CRACD: variants seen among roughly 807,000 people sequenced by gnomAD.
CRACD encodes the protein capping protein-inhibiting regulator of actin dynamics.
In CRACD, 56 loss-of-function variants were observed where a neutral mutation model predicts 106.8. The ratio of observed to expected loss-of-function variants is 0.52; its 90% CI spans 0.42 to 0.66. The LOEUF is 0.66. Among genes scored for constraint, CRACD ranks in the 30% least tolerant of loss-of-function variants. CRACD has a pLI of 0.00. For missense variants in CRACD, 1,730 were observed against 1,623.2 expected (o/e 1.07, Z -1.13); for synonymous variants, 754 against 670.8 (o/e 1.12, Z -1.92).
chr4:56,199,996 T>A (rs1293752081), intron 2 of CRACD, among the ~76,000 whole-genome samples: 4 of 152,010 alleles, frequency 2.6e-5, no homozygotes, highest in Non-Finnish European at 5.9e-5. Context: ...TTTATTTTTT[T>A]TTCAAAAAGT....
chr4:56,195,285 G>A (rs1409028485), intron 2 of CRACD, among the ~76,000 whole-genome samples: 5 of 152,042 alleles, frequency 3.3e-5, no homozygotes, highest in Admixed American at 6.6e-5. Flanking sequence ...ATAAATATGC[G>A]GGGAAAAGAT....
chr4:56,224,039 G>T (rs1739176481), intron 2 of CRACD, among the ~76,000 whole-genome samples: 1 of 152,124 alleles, frequency 6.6e-6, no homozygotes, highest in African/African-American at 2.4e-5. Flanking sequence ...TTACAGGTGT[G>T]CACCACCAGG....
At chr4:56,157,718 G>A (rs1159111249) in intron 1 of CRACD, among the ~76,000 whole-genome samples, 5 of 152,134 alleles carry the variant, frequency 3.3e-5, no homozygotes, top group Non-Finnish European at 7.3e-5. Context: ...TTTCAGGGGA[G>A]TCCCATTTCA....
At chr4:56,268,441 C>T (rs897466126) in intron 2 of CRACD, among the ~76,000 whole-genome samples, 2 of 121,690 alleles carry the variant, frequency 1.6e-5, no homozygotes, top group Non-Finnish European at 3.4e-5. Context: ...AGTCAAGGAG[C>T]AGTGTTGGGT....
chr4:56,308,688 T>C (rs1744922629), intron 5 of CRACD: 2 of 929,512 alleles, frequency 2.2e-6, no homozygotes, highest in Non-Finnish European at 2.6e-6. Context: ...CTGTTGCCCA[T>C]TGTGACACCT....
intron 2 of CRACD, among the ~76,000 whole-genome samples, chr4:56,259,219 ACTTC>A (rs1258621509): frequency 6.6e-6 from 1 of 152,124 alleles, no homozygotes; most frequent in Non-Finnish European, 1.5e-5. Context: ...TGCATGACTC[ACTTC>A]ATCTACCGGA....
Position 56,316,180 on chromosome 4 carries a change from A to G in CRACD, c.2678A>G (p.Lys893Arg). Residue 893 changes from lysine to arginine, a missense_variant, in exon 8 of 11, where the codon AAA (lysine) becomes AGA (arginine). This residue lies in a region of CRACD where 1,620 missense variants were observed against 1,481.6 expected (regional missense o/e 1.09). Coordinates refer to ENST00000682029, the MANE Select transcript of CRACD (RefSeq NM_001393381.1). ...PPAAGSARGE[K>R]EMEGVALKHG... is the part of the protein sequence containing the mutation. ...GCAGCGGGGAGCGCTCGTGGAGAGAAAGAGATGGAGGGTGTGGCCCTCAAG... is the reference window on the plus strand; with the variant it reads ...GCAGCGGGGAGCGCTCGTGGAGAGAGAGAGATGGAGGGTGTGGCCCTCAAG... The G allele has an allele frequency of 6.2e-7, 1 of 1,614,120 alleles. No individual in the cohort carries two copies. The highest frequency in any genetic ancestry group is 1.7e-5 in the Admixed American group (1 of 60,030).
At chr4:56,296,112 T>C (rs760347320) in intron 3 of CRACD, among the ~76,000 whole-genome samples, 1 of 152,184 alleles carries the variant, frequency 6.6e-6, no homozygotes, top group Non-Finnish European at 1.5e-5. Flanking sequence ...TCCCATACCC[T>C]GTGTCACTCA....
rs1207362099 is a variant in CRACD, at chr4:56,315,253, C to A, written c.1751C>A (p.Ala584Asp). Residue 584 changes from alanine to aspartate, a missense_variant, in exon 8 of 11, where the codon GCC becomes GAC. Ala to Asp is a moderately radical substitution (Grantham distance 126). Coordinates refer to ENST00000682029, the MANE Select transcript of CRACD (RefSeq NM_001393381.1). This position sits in a 1 kb window ranked among gnomAD's most constrained non-coding sequence, Gnocchi z 4.1. ...CCCAAAGCCAGCCCAGTCCAGCACG[C>A]CCTACCGTCGTCCCTGAGCGTTCCC... is the stretch of plus-strand genomic sequence containing the variant. ...KAPKASPVQH[A>D]LPSSLSVPHT... The A allele has an allele frequency of 2.5e-6, 4 of 1,606,362 alleles. No homozygotes were observed. In the African/African-American group the frequency reaches 5.3e-5, roughly 21 times the overall value.
In CRACD at chr4:56,330,403, G is replaced by C. The variant is rs1746736660; in HGVS notation, c.*2599G>C. ...TATATAGTATGTATTGTCTCTTCTT[G>C]TGACGTTTAGTTTAATTGCTTATTT... is the stretch of plus-strand genomic sequence containing the variant. On this transcript the variant is annotated 3_prime_UTR_variant, in exon 11 of 11. Coordinates refer to ENST00000682029, the MANE Select transcript of CRACD (RefSeq NM_001393381.1). Among the ~76,000 whole-genome samples, 1 of 151,924 alleles carries C rather than the reference G, an allele frequency of 6.6e-6. No homozygotes were observed. Among genetic ancestry groups the C allele is most frequent in the African/African-American group, 2.4e-5 (1 of 41,366 alleles).
intron 2 of CRACD, among the ~76,000 whole-genome samples, chr4:56,231,691 C>T (rs899962139): frequency 1.1e-4 from 16 of 152,176 alleles, no homozygotes; most frequent in African/African-American, 2.2e-4. Flanking sequence ...GTGCATGCTA[C>T]GTGCTTCCAT....
Position 56,189,653 on chromosome 4 carries a change from G to GT in CRACD, c.-189+10229dup, listed in dbSNP as rs1423555305. The stretch of plus-strand genomic sequence containing the variant: ...TATGAGTGAGAACATGCGGTGTTTG[G>GT]TTTTTTGTCCTTGCAATAGTTTACT... On this transcript the variant is annotated intron_variant, in intron 2 of 10. Coordinates refer to ENST00000682029, the MANE Select transcript of CRACD (RefSeq NM_001393381.1). Among the ~76,000 whole-genome samples, 14 of 147,094 alleles carry GT rather than the reference G, an allele frequency of 9.5e-5. No individual in the cohort carries two copies. In the East Asian group the frequency reaches 2.8e-3, roughly 30 times the overall value.
intron 1 of CRACD, among the ~76,000 whole-genome samples, chr4:56,154,925 T>G (rs1735717550): frequency 6.6e-6 from 1 of 152,222 alleles, no homozygotes; most frequent in African/African-American, 2.4e-5. Flanking sequence ...AGTTCACATC[T>G]GTCATAAGAA....
chr4:56,150,863 T>C (rs1180726386), intron 1 of CRACD, among the ~76,000 whole-genome samples: 1 of 152,178 alleles, frequency 6.6e-6, no homozygotes, highest in Non-Finnish European at 1.5e-5. Flanking sequence ...TTCAAGAGAT[T>C]CTCCAGGAGT....
intron 10 of CRACD, among the ~76,000 whole-genome samples, chr4:56,326,273 GGCA>G (rs1746444079): frequency 7.4e-6 from 1 of 134,656 alleles, no homozygotes; most frequent in South Asian, 2.4e-4. Context: ...ACCGCAGGCA[GGCA>G]TTATGTCATT....
chr4:56,108,556 C>T (rs1330085950), intron 1 of CRACD, among the ~76,000 whole-genome samples: 1 of 152,078 alleles, frequency 6.6e-6, no homozygotes, highest in Non-Finnish European at 1.5e-5. Flanking sequence ...AAAGAGAAAA[C>T]AACTGGGCCC....
chr4:56,050,358 AAT>A (rs1269730067), intron 1 of CRACD, among the ~76,000 whole-genome samples: 1 of 151,124 alleles, frequency 6.6e-6, no homozygotes, highest in East Asian at 1.9e-4. Flanking sequence ...GAGTGGTTAG[AAT>A]ACAAAGGATA....
chr4:56,158,944 C>G (rs1735851429), intron 1 of CRACD, among the ~76,000 whole-genome samples: 1 of 152,048 alleles, frequency 6.6e-6, no homozygotes, highest in Admixed American at 6.5e-5. Flanking sequence ...TCCCATGTGG[C>G]AAGAATTGGA....
intron 1 of CRACD, among the ~76,000 whole-genome samples, chr4:56,138,825 C>G (rs1281112244): frequency 1.3e-5 from 2 of 152,172 alleles, no homozygotes; most frequent in African/African-American, 2.4e-5. Flanking sequence ...TGAAAATAAC[C>G]TGTCCCTCTT....
Sources: allele counts gnomAD v4.1 joint callset (sites outside exome capture counted in the v4.1 genomes callset), GRCh38; gene constraint gnomAD v4.1.1; regional missense constraint gnomAD v4.1.1; non-coding constraint Gnocchi (gnomAD v3.1); transcripts MANE v1.5; gene names NCBI Gene and HGNC (gene_info 2026-07-23, HGNC 2026-07-21).